The following IL2RB variants were observed in gnomAD, a reference collection of about 807,000 sequenced individuals.
IL2RB encodes interleukin-2 receptor subunit beta.
A neutral mutation model predicts 44.2 loss-of-function variants in IL2RB; 17 were observed. That is an observed-to-expected ratio of 0.38 (90% CI 0.26 to 0.58). The LOEUF is 0.58. IL2RB is among the 20% of genes least tolerant of loss of function. IL2RB has a pLI of 0.63. For synonymous variants in IL2RB, 286 were observed against 297.9 expected, an observed-to-expected ratio of 0.96 and a Z score of 0.41; for missense variants, 624 against 685.5, an observed-to-expected ratio of 0.91 and a Z score of 1.00.
Position 37,158,849 on chromosome 22 carries a change from T to G in IL2RB, c.-33-14644A>C, listed in dbSNP as rs370300522. ...CCAGTTTCCTACCTGAAACTGTCCCTGAGTCACCAGGCCCGTGGAACCACC... is the reference window on the plus strand; with the variant it reads ...CCAGTTTCCTACCTGAAACTGTCCCGGAGTCACCAGGCCCGTGGAACCACC... On this transcript the variant is annotated intron_variant, in intron 1 of 5. Coordinates refer to the IL2RB transcript ENST00000429622. Among the ~76,000 whole-genome samples the G allele has an allele frequency of 7.0e-4, 106 of 152,340 alleles. 1 individual carries two copies. The highest frequency in any genetic ancestry group is 5.2e-3 in the East Asian group (27 of 5,190).
intron 9 of IL2RB, among the ~76,000 whole-genome samples, chr22:37,131,942 G>A (rs533499065): frequency 6.6e-6 from 1 of 152,234 alleles, no homozygotes; most frequent in South Asian, 2.1e-4. Flanking sequence ...CACCATGTTG[G>A]TCAGGCTGGT....
chr22:37,159,975 C>A (rs1057042604), intron 1 of IL2RB, among the ~76,000 whole-genome samples: 1 of 152,262 alleles, frequency 6.6e-6, no homozygotes, highest in African/African-American at 2.4e-5. Flanking sequence ...CTCTTGATAT[C>A]ATTTCTGCGT....
chr22:37,133,682 A>G (rs1921541302), intron 8 of IL2RB, among the ~76,000 whole-genome samples: 1 of 152,174 alleles, frequency 6.6e-6, no homozygotes, highest in Non-Finnish European at 1.5e-5. Context: ...AGGGCTACAG[A>G]GGGCGAAGTG....
chr22:37,166,553 A>C (rs116071807), intron 1 of IL2RB, among the ~76,000 whole-genome samples: 2,673 of 152,272 alleles, frequency 0.018, 73 homozygotes, highest in African/African-American at 0.062. Context: ...CTCCACATCC[A>C]CGACACCTTC....
rs936590994 is a variant in IL2RB, at chr22:37,144,639, G to A, written c.-33-434C>T. Among the ~76,000 whole-genome samples the A allele has an allele frequency of 2.0e-5, 3 of 152,214 alleles. No homozygotes were observed. The South Asian group carries it at 6.2e-4, about 32-fold the overall frequency. ...GGGTGCCTGTAGTCCCAGCTACTCG[G>A]GAGTCTAAGACAGGAGAATTGCTTG... On this transcript the variant is annotated intron_variant, in intron 1 of 9. Transcript: ENST00000216223.
At chr22:37,172,475 C>A (rs193122991) in intron 1 of IL2RB, among the ~76,000 whole-genome samples, 2 of 151,992 alleles carry the variant, frequency 1.3e-5, no homozygotes, top group East Asian at 3.9e-4. Flanking sequence ...CCAATAGGGC[C>A]CAGAATGAGG....
intron 2 of IL2RB, among the ~76,000 whole-genome samples, 166 bp downstream of exon 2, chr22:37,143,919 G>GTGTT (rs1922101352): frequency 1.8e-5 from 1 of 54,648 alleles, no homozygotes; most frequent in Non-Finnish European, 3.4e-5. Context: ...GTGTGTGTGT[G>GTGTT]CGCGCATTCA....
intron 9 of IL2RB, among the ~76,000 whole-genome samples, chr22:37,131,886 A>G (rs228948): frequency 0.32 from 49,215 of 151,836 alleles, 8,338 homozygotes; most frequent in East Asian, 0.6. Context: ...ACAGGCATGC[A>G]CCACCAGCCC....
rs569954939 is a variant in IL2RB, at chr22:37,166,211, C to T, written c.-34+8747G>A. On this transcript the variant is annotated intron_variant, in intron 1 of 5. Coordinates refer to the IL2RB transcript ENST00000429622. ...AAATGCCCCTGCTACTGGGGGGACCCTCAACTGCACCAAAGGACCGCAATG... is the reference window on the plus strand; with the variant it reads ...AAATGCCCCTGCTACTGGGGGGACCTTCAACTGCACCAAAGGACCGCAATG... Among the ~76,000 whole-genome samples the T allele has an allele frequency of 3.3e-5, 5 of 152,332 alleles. No homozygotes were observed. In the South Asian group the frequency reaches 8.3e-4, roughly 25 times the overall value.
chr22:37,174,989 C>T (rs1297819233), exon 1 of IL2RB: 1 of 152,398 alleles, frequency 6.6e-6, no homozygotes, highest in Non-Finnish European at 1.5e-5. Flanking sequence ...CCTCAGGAAA[C>T]TTACAATCGT....
In IL2RB at chr22:37,144,193, G is replaced by A. The variant is rs183183988; in HGVS notation, c.-21C>T. 2.1e-3 allele frequency: 3,233 copies of A among 1,547,538 alleles called. 97 individuals carry two copies. The Admixed American group carries it at 0.053, about 26-fold the overall frequency. ...GCCATTACATCCACAGGGTGGAGCCGAGGAAGGAAGCCCTGGTGGGAGAGG... is the reference window on the plus strand; with the variant it reads ...GCCATTACATCCACAGGGTGGAGCCAAGGAAGGAAGCCCTGGTGGGAGAGG... On this transcript the variant is annotated 5_prime_UTR_variant, in exon 2 of 10. Coordinates refer to ENST00000216223, the MANE Select transcript of IL2RB (RefSeq NM_000878.5).
intron 8 of IL2RB, among the ~76,000 whole-genome samples, chr22:37,134,853 T>C (rs1318377655): frequency 6.6e-6 from 1 of 152,196 alleles, no homozygotes; most frequent in East Asian, 1.9e-4. Context: ...CCTGCCACTG[T>C]GTTCCCAGCT....
intron 1 of IL2RB, among the ~76,000 whole-genome samples, chr22:37,159,923 A>G (rs1407532597): frequency 6.6e-6 from 1 of 152,264 alleles, no homozygotes; most frequent in Non-Finnish European, 1.5e-5. Flanking sequence ...GTGTGCTCAC[A>G]TAGTGCCCAG....
chr22:37,159,909 A>C (rs1922803101), intron 1 of IL2RB, among the ~76,000 whole-genome samples: 1 of 152,182 alleles, frequency 6.6e-6, no homozygotes, highest in South Asian at 2.1e-4. Context: ...AGCCTTCTCC[A>C]CCTGTGTGCT....
At chr22:37,150,207 C>T (rs1234528145), upstream of IL2RB, among the ~76,000 whole-genome samples, 3 of 151,898 alleles carry the variant, frequency 2.0e-5, no homozygotes, top group Admixed American at 6.6e-5. Context: ...TCCCCTCCTA[C>T]ATCACCCCCA....
At chr22:37,151,293 T>C (rs1462390527), upstream of IL2RB, among the ~76,000 whole-genome samples, 1 of 152,226 alleles carries the variant, frequency 6.6e-6, no homozygotes, top group African/African-American at 2.4e-5. Context: ...TAATATCTCA[T>C]TGTAGTTTTG....
Position 37,141,685 on chromosome 22 carries a change from C to G in IL2RB, c.282+749G>C, listed in dbSNP as rs967441800. 6.6e-6 allele frequency among the ~76,000 whole-genome samples: 1 copy of G among 152,230 alleles called. No homozygotes were observed. The highest frequency in any genetic ancestry group is 2.1e-4 in the South Asian group (1 of 4,836). Reference sequence around the variant, plus strand: ...GCGGGACCAAGCCCAGGCACTACCACAGCCTGGCACGCTCGAGGCAGCACT... The same window carrying G: ...GCGGGACCAAGCCCAGGCACTACCAGAGCCTGGCACGCTCGAGGCAGCACT... On this transcript the variant is annotated intron_variant, in intron 4 of 9. Transcript: ENST00000216223. The surrounding 1 kb of genome is among the most constrained non-coding windows in gnomAD (Gnocchi z 4.4).
In IL2RB at chr22:37,125,946, C is replaced by T. The variant is rs566527036; in HGVS notation, c.*2150G>A. On this transcript the variant is annotated 3_prime_UTR_variant, in exon 10 of 10. Transcript: ENST00000216223. The stretch of plus-strand genomic sequence containing the variant: ...TTTTCTTTAAATAAATGTATTTCAA[C>T]GAAAATGAACTGACTTAAAGAAAAA... 3 of 151,796 alleles carry T rather than the reference C, an allele frequency of 2.0e-5. No individual in the cohort carries two copies. The highest frequency in any genetic ancestry group is 7.3e-5 in the African/African-American group (3 of 41,270). 9.4% of individuals were successfully genotyped at this position (151,796 alleles called of 1,614,324 possible).
At chr22:37,137,820 A>G in intron 5 of IL2RB, 85 bp from the exon 6 acceptor site, 2 of 1,252,176 alleles carry the variant, frequency 1.6e-6, no homozygotes, top group South Asian at 2.6e-5. Flanking sequence ...CTCCTGGCAC[A>G]TGCTACCACC....
Sources: gnomAD v4.1 joint callset for allele counts (sites outside exome capture counted in the v4.1 genomes callset) on GRCh38, gnomAD v4.1.1 for gene constraint, Gnocchi (gnomAD v3.1) non-coding constraint, MANE v1.5 for transcripts, NCBI Gene and HGNC (gene_info 2026-07-23, HGNC 2026-07-21) for gene names.